The following SGCZ variants were observed in gnomAD, a reference collection of about 807,000 sequenced individuals.
SGCZ encodes zeta-sarcoglycan.
A neutral mutation model predicts 41.3 loss-of-function variants in SGCZ; 40 were observed. That is an observed-to-expected ratio of 0.97 (90% CI 0.75 to 1.26). The LOEUF (loss-of-function observed/expected upper bound fraction) is 1.26, where lower values mean the gene tolerates loss of function less well. Among genes scored for constraint, SGCZ ranks in the 50% most tolerant of loss-of-function variants. SGCZ has a pLI of 0.00. For synonymous variants in SGCZ, 206 were observed against 137.5 expected (o/e 1.50, Z -3.49); for missense variants, 552 against 369.8 (o/e 1.49, Z -4.04).
chr8:14,211,291 TCTC>T (rs1805799061), intron 4 of SGCZ, among the ~76,000 whole-genome samples: 1 of 152,026 alleles, frequency 6.6e-6, no homozygotes, highest in Non-Finnish European at 1.5e-5. Flanking sequence ...CAGATGGGTG[TCTC>T]CTCCACTCAT....
chr8:14,324,884 A>G (rs1216006737), intron 2 of SGCZ, among the ~76,000 whole-genome samples: 1 of 152,192 alleles, frequency 6.6e-6, no homozygotes, highest in Non-Finnish European at 1.5e-5. Flanking sequence ...ACTACGATAA[A>G]GTTGTTAAGA....
At chr8:14,647,168 T>A (rs969788736) in intron 1 of SGCZ, among the ~76,000 whole-genome samples, 5 of 152,038 alleles carry the variant, frequency 3.3e-5, no homozygotes, top group African/African-American at 1.2e-4. Context: ...AGAAAATGTT[T>A]TAGTACAGAT....
At chr8:14,407,438 T>C (rs1262644799) in intron 2 of SGCZ, among the ~76,000 whole-genome samples, 1 of 152,104 alleles carries the variant, frequency 6.6e-6, no homozygotes, top group Non-Finnish European at 1.5e-5. Flanking sequence ...TCCACCTATG[T>C]GTTGGGTGGT....
chr8:14,484,520 GT>G (rs1368333034), intron 2 of SGCZ, among the ~76,000 whole-genome samples: 7 of 152,032 alleles, frequency 4.6e-5, no homozygotes, highest in Non-Finnish European at 8.8e-5. Context: ...CAGTTTCCCG[GT>G]TTTTTTACAC....
At chr8:14,484,962 A>G (rs1310953552) in intron 2 of SGCZ, among the ~76,000 whole-genome samples, 1 of 152,204 alleles carries the variant, frequency 6.6e-6, no homozygotes, top group African/African-American at 2.4e-5. Context: ...TTTGACATTG[A>G]GTCTTACCCT....
rs188380477 is a variant in SGCZ, at chr8:14,559,442, T to C, written c.40-4516A>G. Reference sequence around the variant, plus strand: ...CCTAACCAATGAGGTTAAAGACCTTTACAAGAAAAACTACAAAACACTACC... The same window carrying C: ...CCTAACCAATGAGGTTAAAGACCTTCACAAGAAAAACTACAAAACACTACC... On this transcript the variant is annotated intron_variant, in intron 1 of 7. Coordinates refer to ENST00000382080, the MANE Select transcript of SGCZ (RefSeq NM_139167.4). Among the ~76,000 whole-genome samples, 12 of 152,180 alleles carry C rather than the reference T, an allele frequency of 7.9e-5. No homozygotes were observed. In the East Asian group the frequency reaches 2.1e-3, roughly 27 times the overall value.
At chr8:15,040,421 C>T (rs1804048957) in intron 1 of SGCZ, among the ~76,000 whole-genome samples, 1 of 152,104 alleles carries the variant, frequency 6.6e-6, no homozygotes, top group Non-Finnish European at 1.5e-5. Context: ...CAAGAGCAGC[C>T]TGGTCAACAT....
intron 1 of SGCZ, among the ~76,000 whole-genome samples, chr8:15,156,840 G>A (rs2117030776): frequency 6.6e-6 from 1 of 151,818 alleles, no homozygotes; most frequent in East Asian, 2.0e-4. Flanking sequence ...AGCTACTCAG[G>A]AGGCTGAGGC....
At chr8:14,320,176 C>T (rs996673288) in intron 3 of SGCZ, among the ~76,000 whole-genome samples, 2 of 150,482 alleles carry the variant, frequency 1.3e-5, no homozygotes, top group East Asian at 4.0e-4. Context: ...AAAGTGATTA[C>T]TGATTAATGT....
Position 14,752,132 on chromosome 8 carries a change from C to CAAAAAA in SGCZ, c.40-197212_40-197207dup, listed in dbSNP as rs56243371. ...ACAAAAGAAAACAAAACAAAAAAGC[C>CAAAAAA]AAAAAAAAAAAAAAAAAAAATCATA... On this transcript the variant is annotated intron_variant, in intron 1 of 7. Coordinates refer to ENST00000382080, the MANE Select transcript of SGCZ (RefSeq NM_139167.4). Among the ~76,000 whole-genome samples the CAAAAAA allele has an allele frequency of 5.9e-4, 69 of 117,734 alleles. 3 individuals are homozygous for CAAAAAA. Among genetic ancestry groups the CAAAAAA allele is most frequent in the Admixed American group, 6.5e-4 (7 of 10,782 alleles). The allele number at this position is 117,734 out of a possible 152,430, so 77.2% of individuals were successfully genotyped here.
intron 1 of SGCZ, among the ~76,000 whole-genome samples, chr8:14,719,085 T>C (rs1403217844): frequency 1.4e-5 from 2 of 145,188 alleles, no homozygotes; most frequent in Non-Finnish European, 3.0e-5. Context: ...CTCCCACCTA[T>C]GAGTGAGAAT....
At chr8:14,259,826 A>C (rs1362496616) in intron 3 of SGCZ, among the ~76,000 whole-genome samples, 1 of 151,234 alleles carries the variant, frequency 6.6e-6, no homozygotes, top group Admixed American at 6.6e-5. Context: ...ACTTTAAAGT[A>C]GTTTTTTCCA....
At chr8:14,799,858 T>C (rs542627974) in intron 1 of SGCZ, among the ~76,000 whole-genome samples, 2 of 152,130 alleles carry the variant, frequency 1.3e-5, no homozygotes, top group Non-Finnish European at 2.9e-5. Flanking sequence ...TAGCTAAGCA[T>C]TGGCTTCTTT....
chr8:15,036,052 C>T (rs892942706), intron 1 of SGCZ, among the ~76,000 whole-genome samples: 2 of 151,590 alleles, frequency 1.3e-5, no homozygotes, highest in African/African-American at 4.8e-5. Context: ...AAGAGAGTTG[C>T]TATGTGAAAC....
chr8:14,953,381 C>T (rs1437486080), intron 1 of SGCZ, among the ~76,000 whole-genome samples: 1 of 152,088 alleles, frequency 6.6e-6, no homozygotes, highest in Non-Finnish European at 1.5e-5. Flanking sequence ...GAAATCTGCC[C>T]CCATGATTCA....
Position 15,102,061 on chromosome 8 carries a change from T to C in SGCZ, c.39+135524A>G, listed in dbSNP as rs114479736. ...GATCCAGCAATCACACTCCTATATA[T>C]ATGCCAAAATTAAATGAAAATTTAT... On this transcript the variant is annotated intron_variant, in intron 1 of 7. Coordinates refer to ENST00000382080, the MANE Select transcript of SGCZ (RefSeq NM_139167.4). 2.8e-3 allele frequency among the ~76,000 whole-genome samples: 430 copies of C among 152,298 alleles called. 1 individual carries two copies. The highest frequency in any genetic ancestry group is 1.0e-2 in the African/African-American group (414 of 41,570).
intron 2 of SGCZ, among the ~76,000 whole-genome samples, chr8:14,430,656 G>A (rs551185500): frequency 6.6e-6 from 1 of 151,926 alleles, no homozygotes; most frequent in African/African-American, 2.4e-5. Context: ...GCCCACTCTC[G>A]CCACTCCTCT....
intron 1 of SGCZ, among the ~76,000 whole-genome samples, chr8:14,887,569 C>A (rs1395007822): frequency 6.6e-6 from 1 of 152,094 alleles, no homozygotes; most frequent in African/African-American, 2.4e-5. Flanking sequence ...TATCTATACA[C>A]ATACATAGCT....
chr8:14,122,239 T>A (rs928596075), intron 5 of SGCZ, among the ~76,000 whole-genome samples: 43 of 152,076 alleles, frequency 2.8e-4, no homozygotes, highest in African/African-American at 1.0e-3. Context: ...ATTGCGCCAC[T>A]GCACTCGGCA....
Sources: gnomAD v4.1 joint callset for allele counts (sites outside exome capture counted in the v4.1 genomes callset) on GRCh38, gnomAD v4.1.1 for gene constraint, MANE v1.5 for transcripts, NCBI Gene and HGNC (gene_info 2026-07-23, HGNC 2026-07-21) for gene names.